The following UBR3 variants were observed in gnomAD, a reference collection of about 807,000 sequenced individuals.
UBR3 encodes ubiquitin protein ligase E3 component n-recognin 3, also known as E3 ubiquitin-protein ligase UBR3.
In UBR3, 85 loss-of-function variants were observed where a neutral mutation model predicts 243.2. The ratio of observed to expected loss-of-function variants is 0.35; its 90% CI spans 0.29 to 0.42. UBR3 has a LOEUF of 0.42. UBR3 is among the 10% of genes least tolerant of loss of function. UBR3 has a pLI of 1.00. For missense variants in UBR3, 1,686 were observed against 2,300.8 expected, an observed-to-expected ratio of 0.73 and a Z score of 5.47; for synonymous variants, 748 against 799.8, an observed-to-expected ratio of 0.94 and a Z score of 1.09.
rs2083867847 is a variant in UBR3 at position 169,881,924 on chromosome 2, TGTATACATATAATATAATTAC to T, written c.1038+3351_1038+3371del. Among the ~76,000 whole-genome samples the T allele has an allele frequency of 3.2e-5, 3 of 93,096 alleles. No individual in the cohort carries two copies. In the Admixed American group the frequency reaches 3.8e-4, roughly 12 times the overall value. 61.1% of individuals were successfully genotyped at this position (93,096 alleles called of 152,430 possible). ...ATATAGGTATATGTATATGTATACATGTATACATATAATATAATTACATATGTATGTATACATACATATGTA... is the reference window on the plus strand; with the variant it reads ...ATATAGGTATATGTATATGTATACATATATGTATGTATACATACATATGTA... On this transcript the variant is annotated intron_variant, in intron 5 of 38. Coordinates refer to ENST00000272793, the MANE Select transcript of UBR3 (RefSeq NM_172070.4).
intron 31 of UBR3, among the ~76,000 whole-genome samples, chr2:170,034,277 T>C (rs1302351800): frequency 6.6e-6 from 1 of 152,018 alleles, no homozygotes; most frequent in Non-Finnish European, 1.5e-5. Context: ...TGGCCACCGT[T>C]GTAGTATCAT....
At chr2:170,044,017 A>G (rs971461412) in intron 32 of UBR3, among the ~76,000 whole-genome samples, 4 of 152,104 alleles carry the variant, frequency 2.6e-5, no homozygotes, top group Non-Finnish European at 5.9e-5. Flanking sequence ...AGAGGCCTTT[A>G]ATTCCTAGGA....
chr2:170,033,580 CA>C (rs751975666), intron 31 of UBR3, among the ~76,000 whole-genome samples: 3,308 of 16,500 alleles, frequency 0.2, 57 homozygotes, highest in South Asian at 0.25. Flanking sequence ...TTTCCACACC[CA>C]CCCCCCCCCC....
At chr2:170,072,612 A>T (rs900099146) in intron 35 of UBR3, among the ~76,000 whole-genome samples, 1 of 152,154 alleles carries the variant, frequency 6.6e-6, no homozygotes, top group Non-Finnish European at 1.5e-5. Context: ...ACATAAATGC[A>T]AGAATAAAAG....
intron 31 of UBR3, among the ~76,000 whole-genome samples, chr2:170,032,530 C>T (rs1387197673): frequency 7.1e-6 from 1 of 140,490 alleles, no homozygotes; most frequent in Admixed American, 7.2e-5. Flanking sequence ...CTTTAATTTC[C>T]TTTAATCTGA....
intron 11 of UBR3, among the ~76,000 whole-genome samples, chr2:169,919,422 A>G (rs1328986779): frequency 6.6e-6 from 1 of 152,232 alleles, no homozygotes; most frequent in Non-Finnish European, 1.5e-5. Context: ...CATGTCTAAA[A>G]CACCAAAAGC....
At chr2:170,078,856 C>G (rs2091859254) in intron 36 of UBR3, among the ~76,000 whole-genome samples, 1 of 152,136 alleles carries the variant, frequency 6.6e-6, no homozygotes, top group Admixed American at 6.5e-5. Flanking sequence ...GTAATCAACT[C>G]ATTACAGAAT....
At chr2:169,864,506 G>A (rs2083187889) in intron 1 of UBR3, among the ~76,000 whole-genome samples, 2 of 152,098 alleles carry the variant, frequency 1.3e-5, no homozygotes, top group African/African-American at 4.8e-5. Context: ...TCTCATGCCT[G>A]TAATCCCAGC....
chr2:169,956,743 TG>T (rs1390723457), intron 23 of UBR3, among the ~76,000 whole-genome samples: 1 of 152,208 alleles, frequency 6.6e-6, no homozygotes, highest in Non-Finnish European at 1.5e-5. Context: ...ACTAATTTCA[TG>T]GGAGCAAATG....
In UBR3 at chr2:169,856,386, C is replaced by G. The variant is rs547442139; in HGVS notation, c.546-15850C>G. On this transcript the variant is annotated intron_variant, in intron 1 of 38. Transcript: ENST00000272793. ...GCAGAGGGGCTCCTCACATCCCAGACGATGGGCGGCTGCGCAGAGACGCTC... is the reference window on the plus strand; with the variant it reads ...GCAGAGGGGCTCCTCACATCCCAGAGGATGGGCGGCTGCGCAGAGACGCTC... 2.7e-5 allele frequency among the ~76,000 whole-genome samples: 4 copies of G among 149,268 alleles called. No homozygotes were observed. The East Asian group carries it at 8.1e-4, about 30-fold the overall frequency.
At chr2:169,881,305 G>A (rs762004681) in intron 5 of UBR3, among the ~76,000 whole-genome samples, 3 of 151,700 alleles carry the variant, frequency 2.0e-5, no homozygotes, top group Non-Finnish European at 2.9e-5. Context: ...TCAGCCTGCC[G>A]AGTAGCTGGG....
chr2:170,074,490 T>C (rs2091764780), intron 36 of UBR3, among the ~76,000 whole-genome samples: 1 of 152,170 alleles, frequency 6.6e-6, no homozygotes, highest in African/African-American at 2.4e-5. Flanking sequence ...CTTCACCATC[T>C]TGCTTGCCTT....
rs562103713 is a variant in UBR3, at chr2:169,926,507, T to G, written c.2152-185T>G. ...GGGAGACTGGGGGATGAGAATTGCT[T>G]GAGCCTGGGAGGCAGAGGTGGAGGT... is the stretch of plus-strand genomic sequence containing the variant. On this transcript the variant is annotated intron_variant, in intron 14 of 38. Transcript: ENST00000272793. Among the ~76,000 whole-genome samples the G allele has an allele frequency of 2.7e-3, 408 of 152,120 alleles. 3 individuals carry two copies. The highest frequency in any genetic ancestry group is 5.0e-3 in the Non-Finnish European group (343 of 68,002).
At position 169,875,827 on chromosome 2, in the gene UBR3, T is replaced by C; in HGVS notation, c.722T>C (p.Val241Ala). ...DGPSEKDLNK[V>A]LQLLEPQISF... ...CCATCAGAAAAGGACCTTAACAAAG[T>C]CCTTCAGCTTTTGGAACCTCAAATT... is the stretch of plus-strand genomic sequence containing the variant. The change falls in exon 3 of 39, where the codon GTC becomes GCC. Residue 241 changes from valine to alanine, a missense_variant. By Grantham distance (64) the Val-to-Ala change is moderately conservative. This residue lies in a region of UBR3 where 200 missense variants were observed against 231.6 expected (regional missense o/e 0.86). Transcript: ENST00000272793. 6.5e-7 allele frequency: 1 copy of C among 1,547,844 alleles called. No homozygotes were observed.
intron 32 of UBR3, among the ~76,000 whole-genome samples, chr2:170,054,475 G>A (rs192296250): frequency 6.6e-6 from 1 of 151,974 alleles, no homozygotes; most frequent in African/African-American, 2.4e-5. Context: ...GTAGAGACAG[G>A]GTTTCACTAT....
intron 18 of UBR3, among the ~76,000 whole-genome samples, chr2:169,931,225 C>T (rs2086111604): frequency 6.6e-6 from 1 of 151,760 alleles, no homozygotes; most frequent in Non-Finnish European, 1.5e-5. Flanking sequence ...GTGGCGGGCA[C>T]CTGTAGTCCC....
chr2:169,879,131 T>C (rs1432465160), intron 5 of UBR3, among the ~76,000 whole-genome samples: 4 of 151,652 alleles, frequency 2.6e-5, no homozygotes, highest in African/African-American at 9.7e-5. Flanking sequence ...TATATTTCTA[T>C]ATTTTATTAC....
At chr2:169,869,519 C>G (rs2083372177) in intron 1 of UBR3, among the ~76,000 whole-genome samples, 1 of 152,036 alleles carries the variant, frequency 6.6e-6, no homozygotes. Context: ...CCACCTCACC[C>G]AGCAGATTGA....
rs917331065 is a variant in UBR3, at chr2:169,831,306, A to AT, written c.545+3266dup. On this transcript the variant is annotated intron_variant, in intron 1 of 38. Coordinates refer to ENST00000272793, the MANE Select transcript of UBR3 (RefSeq NM_172070.4). ...AGGGATGCGCCACCACACCCGGCTA[A>AT]TTTTTTTTTTTTCTTGTGTTTTTAG... is the stretch of plus-strand genomic sequence containing the variant. 3.4e-3 allele frequency among the ~76,000 whole-genome samples: 469 copies of AT among 139,436 alleles called. 1 individual carries two copies. Among genetic ancestry groups the AT allele is most frequent in the African/African-American group, 0.01 (394 of 37,984 alleles). The allele number at this position is 139,436 out of a possible 152,430, so 91.5% of individuals were successfully genotyped here. A position where few individuals can be genotyped will look rare whatever the true frequency, so the allele number is the denominator to read the frequency against.
Sources: allele counts gnomAD v4.1 joint callset (sites outside exome capture counted in the v4.1 genomes callset), GRCh38; gene constraint gnomAD v4.1.1; regional missense constraint gnomAD v4.1.1; transcripts MANE v1.5; gene names NCBI Gene and HGNC (gene_info 2026-07-23, HGNC 2026-07-21).